Variants in NTAQ1 observed in about 807,000 individuals in gnomAD.
NTAQ1 encodes the protein N-terminal glutamine amidase 1, also known as protein N-terminal glutamine amidohydrolase.
Under a neutral mutation model 28.2 loss-of-function variants are expected in NTAQ1, and 21 were observed. The observed-to-expected ratio is 0.74, with a 90% CI of 0.53 to 1.07. The LOEUF (loss-of-function observed/expected upper bound fraction) is 1.07. Ranked by LOEUF, NTAQ1 falls within the 50% of genes least tolerant of loss-of-function variation. The probability of loss-of-function intolerance (pLI) is 0.00; values close to 1 mark genes in which losing one functional copy is unlikely to be tolerated. For synonymous variants in NTAQ1, 105 were observed against 90.0 expected (o/e 1.17, Z -0.94); for missense variants, 264 against 256.6 (o/e 1.03, Z -0.20).
intron 6 of NTAQ1, among the ~76,000 whole-genome samples, chr8:123,465,304 G>A (rs1815934714): frequency 1.3e-5 from 2 of 152,100 alleles, no homozygotes; most frequent in Non-Finnish European, 2.9e-5. Context: ...TCTTGTGTGT[G>A]CATGTGTATA....
intron 6 of NTAQ1, among the ~76,000 whole-genome samples, chr8:123,454,226 C>T (rs866960210): frequency 7.2e-5 from 11 of 152,236 alleles, no homozygotes; most frequent in African/African-American, 2.7e-4. Flanking sequence ...ACAGAAATTG[C>T]TTGCTACGTG....
At chr8:123,465,070 C>T (rs994620857) in intron 6 of NTAQ1, among the ~76,000 whole-genome samples, 3 of 152,018 alleles carry the variant, frequency 2.0e-5, no homozygotes, top group Admixed American at 6.6e-5. Flanking sequence ...AGGGGAGAGA[C>T]GATACTGAGC....
chr8:123,443,326 G>C (rs1016989719), downstream of NTAQ1, among the ~76,000 whole-genome samples: 2 of 152,120 alleles, frequency 1.3e-5, no homozygotes, highest in Non-Finnish European at 2.9e-5. Context: ...GGCCAAATTT[G>C]CATGTTATTA....
At chr8:123,473,885 G>A (rs146047030), downstream of NTAQ1, among the ~76,000 whole-genome samples, 196 of 151,908 alleles carry the variant, frequency 1.3e-3, no homozygotes, top group Middle Eastern at 0.014. Flanking sequence ...GGTACATTAT[G>A]GTTAGTCAGG....
intron 2 of NTAQ1, 77 bp downstream of exon 2, chr8:123,428,100 C>G: frequency 3.4e-6 from 2 of 584,994 alleles, no homozygotes; most frequent in Non-Finnish European, 5.5e-6. Flanking sequence ...AAAAAAAAAG[C>G]TAAATATAGC....
At chr8:123,431,753 CT>C (rs1814408811) in intron 3 of NTAQ1, among the ~76,000 whole-genome samples, 1 of 152,178 alleles carries the variant, frequency 6.6e-6, no homozygotes, top group Non-Finnish European at 1.5e-5. Flanking sequence ...GTGTCTCCCC[CT>C]GGTCAGTGGG....
At chr8:123,437,621 C>T (rs886150404) in intron 5 of NTAQ1, among the ~76,000 whole-genome samples, 5 of 150,988 alleles carry the variant, frequency 3.3e-5, no homozygotes, top group African/African-American at 4.9e-5. Flanking sequence ...GAGAATGGTG[C>T]GAACCTGGGA....
intron 6 of NTAQ1, among the ~76,000 whole-genome samples, chr8:123,456,159 A>G (rs1815644989): frequency 6.6e-6 from 1 of 152,186 alleles, no homozygotes; most frequent in African/African-American, 2.4e-5. Flanking sequence ...TGGTCATGAC[A>G]TTGCATTGCA....
chr8:123,449,254 C>G (rs1301520568), downstream of NTAQ1, among the ~76,000 whole-genome samples: 1 of 152,188 alleles, frequency 6.6e-6, no homozygotes, highest in Non-Finnish European at 1.5e-5. Context: ...CATGAGGAAG[C>G]CTGCAGGCTG....
At chr8:123,472,887 T>C (rs757442552), downstream of NTAQ1, among the ~76,000 whole-genome samples, 2 of 152,208 alleles carry the variant, frequency 1.3e-5, no homozygotes, top group Admixed American at 6.5e-5. Flanking sequence ...TTAGCCAAAG[T>C]GTCTTCCTTC....
At chr8:123,450,980 C>G (rs1563902572), downstream of NTAQ1, among the ~76,000 whole-genome samples, 1 of 152,218 alleles carries the variant, frequency 6.6e-6, no homozygotes, top group Admixed American at 6.5e-5. Context: ...CTGTTCTACC[C>G]TGGCTCTCAG....
chr8:123,453,938 C>T (rs1263189014), intron 6 of NTAQ1, among the ~76,000 whole-genome samples: 2 of 152,152 alleles, frequency 1.3e-5, no homozygotes, highest in East Asian at 1.9e-4. Context: ...CATCCAATTC[C>T]CAGTTCACCC....
intron 6 of NTAQ1, among the ~76,000 whole-genome samples, chr8:123,466,195 A>C (rs1365944139): frequency 6.6e-6 from 1 of 152,148 alleles, no homozygotes; most frequent in African/African-American, 2.4e-5. Context: ...GATCCCAAGA[A>C]AAGTGCCCCA....
chr8:123,440,040 T>TTTTTTTTTTTTAA (rs1814956732), intron 5 of NTAQ1, among the ~76,000 whole-genome samples: 1 of 142,940 alleles, frequency 7.0e-6, no homozygotes, highest in Non-Finnish European at 1.5e-5. Context: ...GAATTGACTC[T>TTTTTTTTTTTTAA]TTTTTTTTTT....
chr8:123,443,489 C>T (rs1175044146), downstream of NTAQ1, among the ~76,000 whole-genome samples: 1 of 152,234 alleles, frequency 6.6e-6, no homozygotes, highest in Non-Finnish European at 1.5e-5. Flanking sequence ...TGAATTCTTT[C>T]CTGGGCAAAG....
downstream of NTAQ1, among the ~76,000 whole-genome samples, chr8:123,470,065 A>C (rs537089887): frequency 1.3e-5 from 2 of 151,764 alleles, no homozygotes; most frequent in East Asian, 3.9e-4. Context: ...TGGCCTTATA[A>C]GAAAAGAGAC....
chr8:123,446,320 T>A (rs1397236488), downstream of NTAQ1, among the ~76,000 whole-genome samples: 2 of 152,224 alleles, frequency 1.3e-5, no homozygotes, highest in Admixed American at 6.5e-5. Flanking sequence ...CTCTTCTTTT[T>A]CTAGAGCAGG....
chr8:123,418,223 G>A (rs7012822), intron 1 of NTAQ1, among the ~76,000 whole-genome samples: 44,311 of 152,018 alleles, frequency 0.29, 7,121 homozygotes, highest in South Asian at 0.45. Flanking sequence ...GGCCGAGGTG[G>A]GCGGATCTCT....
intron 1 of NTAQ1, among the ~76,000 whole-genome samples, chr8:123,426,741 CT>C (rs1332258932): frequency 6.6e-6 from 1 of 152,010 alleles, no homozygotes; most frequent in Non-Finnish European, 1.5e-5. Flanking sequence ...AGGTGGATCA[CT>C]TGAGATCAAG....
Sources: gnomAD v4.1 joint callset for allele counts (sites outside exome capture counted in the v4.1 genomes callset) on GRCh38, gnomAD v4.1.1 for gene constraint, MANE v1.5 for transcripts, NCBI Gene and HGNC (gene_info 2026-07-23, HGNC 2026-07-21) for gene names.